The following APBB2 variants were observed in gnomAD, a reference collection of about 807,000 sequenced individuals.
The protein encoded by APBB2 is Fe65-like 1.
Under a neutral mutation model 82.5 loss-of-function variants are expected in APBB2, and 38 were observed. The ratio of observed to expected loss-of-function variants is 0.46; its 90% CI spans 0.36 to 0.60. The LOEUF (loss-of-function observed/expected upper bound fraction) is 0.60, where lower values mean the gene tolerates loss of function less well. Among genes scored for constraint, APBB2 ranks in the 20% least tolerant of loss-of-function variants. APBB2 has a pLI of 0.00. For synonymous variants in APBB2, 341 were observed against 368.2 expected, an observed-to-expected ratio of 0.93 and a Z score of 0.85; for missense variants, 772 against 972.3, an observed-to-expected ratio of 0.79 and a Z score of 2.74.
chr4:41,103,121 T>C (rs1746022319), intron 2 of APBB2, among the ~76,000 whole-genome samples: 1 of 152,238 alleles, frequency 6.6e-6, no homozygotes, highest in Non-Finnish European at 1.5e-5. Flanking sequence ...GACAGCAACA[T>C]ATTGTAATGC....
At chr4:41,122,044 G>A (rs1174790626) in intron 2 of APBB2, among the ~76,000 whole-genome samples, 1 of 151,942 alleles carries the variant, frequency 6.6e-6, no homozygotes, top group Non-Finnish European at 1.5e-5. Flanking sequence ...CCTGACCTCA[G>A]CCTCCTAAGT....
chr4:40,866,684 GA>G (rs1176707042), intron 12 of APBB2, among the ~76,000 whole-genome samples: 1 of 152,050 alleles, frequency 6.6e-6, no homozygotes. Context: ...TTCCTAATTT[GA>G]AGGGACTTTT....
At chr4:41,191,130 G>A (rs1436725869) in intron 1 of APBB2, among the ~76,000 whole-genome samples, 6 of 152,158 alleles carry the variant, frequency 3.9e-5, no homozygotes, top group Admixed American at 6.5e-5. Flanking sequence ...GAAGGAGAAC[G>A]CTCAGACTGA....
intron 6 of APBB2, among the ~76,000 whole-genome samples, chr4:41,007,804 C>T (rs112861623): frequency 5.3e-5 from 8 of 152,296 alleles, no homozygotes; most frequent in South Asian, 2.1e-4. Flanking sequence ...TGCCACATAC[C>T]GTGTGAAGAA....
At chr4:40,902,208 A>C (rs1775495027) in intron 10 of APBB2, among the ~76,000 whole-genome samples, 1 of 151,590 alleles carries the variant, frequency 6.6e-6, no homozygotes, top group African/African-American at 2.4e-5. Flanking sequence ...GTAAGGATTT[A>C]CTGTACTTTA....
intron 2 of APBB2, among the ~76,000 whole-genome samples, chr4:41,121,361 A>C (rs2153992810): frequency 6.6e-6 from 1 of 152,370 alleles, no homozygotes; most frequent in South Asian, 2.1e-4. Context: ...CAAATACCAC[A>C]AAAATAATGA....
At chr4:40,908,078 T>C (rs1777547296) in intron 10 of APBB2, among the ~76,000 whole-genome samples, 2 of 151,414 alleles carry the variant, frequency 1.3e-5, no homozygotes, top group Non-Finnish European at 2.9e-5. Context: ...CATATGTGTG[T>C]GTGTATGTGT....
chr4:41,104,295 G>T (rs1395064488), intron 2 of APBB2, among the ~76,000 whole-genome samples: 1 of 152,118 alleles, frequency 6.6e-6, no homozygotes, highest in Non-Finnish European at 1.5e-5. Context: ...GCCAAAAACA[G>T]TGACTCTTTT....
chr4:41,156,442 C>T (rs187744599), intron 1 of APBB2, among the ~76,000 whole-genome samples: 21 of 152,304 alleles, frequency 1.4e-4, no homozygotes, highest in Admixed American at 5.2e-4. Context: ...CCATGTGCTC[C>T]GAGTATCGAT....
chr4:41,014,549 A>G lies in APBB2; in HGVS notation c.20-151T>C, dbSNP rs73136490. On this transcript the variant is annotated intron_variant, in intron 5 of 17. Coordinates refer to ENST00000508593, the MANE Select transcript of APBB2 (RefSeq NM_004307.2). ...ATGGACCCATTTTCCTCTTTATTTC[A>G]CCATTTGTTCCTATATTAAACAGGA... The G allele has an allele frequency of 2.7e-3, 2,104 of 780,390 alleles. 34 individuals carry two copies. In the African/African-American group the frequency reaches 0.033, roughly 12 times the overall value. The allele number at this position is 780,390 out of a possible 1,614,324, so 48.3% of individuals were successfully genotyped here.
At chr4:40,994,779 A>G (rs1328350212) in intron 6 of APBB2, among the ~76,000 whole-genome samples, 1 of 148,342 alleles carries the variant, frequency 6.7e-6, no homozygotes, top group African/African-American at 2.5e-5. Flanking sequence ...GTGCCACTAC[A>G]CTCCAGCCTG....
rs542056366 is a variant in APBB2, at chr4:40,847,633, T to G, written c.1530-17056A>C. 7.2e-5 allele frequency among the ~76,000 whole-genome samples: 11 copies of G among 152,268 alleles called. No homozygotes were observed. In the South Asian group the frequency reaches 2.3e-3, roughly 32 times the overall value. ...CCTGGCAAGGTGCAGACAAGCCTCC[T>G]ACTTAAAACCACGGTGAGCACCCAG... is the stretch of plus-strand genomic sequence containing the variant. On this transcript the variant is annotated intron_variant, in intron 12 of 17. Transcript: ENST00000508593.
chr4:41,173,077 T>C (rs1333138396), intron 1 of APBB2, among the ~76,000 whole-genome samples: 1 of 152,234 alleles, frequency 6.6e-6, no homozygotes, highest in Non-Finnish European at 1.5e-5. Context: ...ATTCAGACTC[T>C]TTCTCCAACA....
chr4:41,056,251 A>G (rs1727826658), intron 4 of APBB2, among the ~76,000 whole-genome samples: 1 of 152,226 alleles, frequency 6.6e-6, no homozygotes, highest in Admixed American at 6.5e-5. Flanking sequence ...TATTAAGAAT[A>G]TACTCTTTGT....
At chr4:41,191,223 C>A (rs1272639500) in intron 1 of APBB2, among the ~76,000 whole-genome samples, 1 of 152,168 alleles carries the variant, frequency 6.6e-6, no homozygotes, top group East Asian at 1.9e-4. Flanking sequence ...GTATTTTCCT[C>A]CTTTGTCCAC....
chr4:41,029,409 G>A (rs1030648376), intron 5 of APBB2, among the ~76,000 whole-genome samples: 8 of 152,154 alleles, frequency 5.3e-5, no homozygotes, highest in Non-Finnish European at 1.0e-4. Context: ...CAGGGAGATG[G>A]GAGGATTTGA....
At chr4:40,828,349 A>G (rs575881958) in intron 13 of APBB2, among the ~76,000 whole-genome samples, 8 of 152,282 alleles carry the variant, frequency 5.3e-5, no homozygotes, top group East Asian at 3.9e-4. Context: ...CCCTTTAGTG[A>G]CCCCAAAAGT....
intron 6 of APBB2, among the ~76,000 whole-genome samples, chr4:40,959,887 G>A (rs1321611097): frequency 1.3e-5 from 2 of 152,152 alleles, no homozygotes; most frequent in Non-Finnish European, 2.9e-5. Context: ...CACAGATGCA[G>A]AGCAGATATT....
intron 7 of APBB2, among the ~76,000 whole-genome samples, chr4:40,936,060 C>G (rs1785300294): frequency 6.6e-6 from 1 of 152,194 alleles, no homozygotes; most frequent in Non-Finnish European, 1.5e-5. Flanking sequence ...ACTGGTTAGG[C>G]AAATCTGTTT....
Sources: gnomAD v4.1 joint callset for allele counts (sites outside exome capture counted in the v4.1 genomes callset) on GRCh38, gnomAD v4.1.1 for gene constraint, MANE v1.5 for transcripts, NCBI Gene and HGNC (gene_info 2026-07-23, HGNC 2026-07-21) for gene names.